Variants in PGM2L1 observed in about 807,000 individuals in gnomAD.
PGM2L1 encodes glucose 1,6-bisphosphate synthase.
In PGM2L1, 35 loss-of-function variants were observed where a neutral mutation model predicts 73.4. The observed-to-expected ratio is 0.48, with a 90% CI of 0.36 to 0.63. The LOEUF is 0.63. Among genes scored for constraint, PGM2L1 ranks in the 30% least tolerant of loss-of-function variants. The pLI is 0.00. For missense variants in PGM2L1, 570 were observed against 742.0 expected (o/e 0.77, Z 2.69); for synonymous variants, 225 against 253.8 (o/e 0.89, Z 1.08).
At chr11:74,394,655 T>A (rs1863147311) in intron 1 of PGM2L1, among the ~76,000 whole-genome samples, 1 of 152,230 alleles carries the variant, frequency 6.6e-6, no homozygotes, top group Admixed American at 6.5e-5. Flanking sequence ...AAATAAAAGT[T>A]CTTAATACAC....
At chr11:74,358,282 C>T (rs969600388) in intron 5 of PGM2L1, among the ~76,000 whole-genome samples, 1 of 152,132 alleles carries the variant, frequency 6.6e-6, no homozygotes, top group Admixed American at 6.5e-5. Flanking sequence ...GAACCCTCCA[C>T]TGAATTTTGC....
chr11:74,373,224 T>G (rs1862801929), intron 2 of PGM2L1, among the ~76,000 whole-genome samples: 1 of 152,170 alleles, frequency 6.6e-6, no homozygotes, highest in Non-Finnish European at 1.5e-5. Flanking sequence ...AAATCTTTAC[T>G]TCGAATCAAA....
chr11:74,356,235 A>G (rs577873562), intron 5 of PGM2L1, among the ~76,000 whole-genome samples: 1 of 152,246 alleles, frequency 6.6e-6, no homozygotes, highest in African/African-American at 2.4e-5. Context: ...CTGAACTGAT[A>G]ATTACTATTG....
intron 1 of PGM2L1, among the ~76,000 whole-genome samples, chr11:74,379,776 T>A (rs1361535903): frequency 2.0e-5 from 3 of 151,880 alleles, no homozygotes; most frequent in Non-Finnish European, 2.9e-5. Context: ...ATACAAAAAA[T>A]TAGCCAGGTA....
intron 1 of PGM2L1, among the ~76,000 whole-genome samples, chr11:74,376,402 C>G (rs985312866): frequency 6.6e-6 from 1 of 151,720 alleles, no homozygotes; most frequent in Non-Finnish European, 1.5e-5. Flanking sequence ...AACAATTTAA[C>G]TCCAGTTACA....
rs752082444 is a variant in PGM2L1 at position 74,391,528 on chromosome 11, C to T, written c.111+6523G>A. Among the ~76,000 whole-genome samples the T allele has an allele frequency of 5.3e-5, 8 of 152,130 alleles. No homozygotes were observed. The South Asian group carries it at 6.2e-4, about 12-fold the overall frequency. Reference sequence around the variant, plus strand: ...TGCATTTGGCAGGGGTGGGGTGTAACGTTTTTTTCTTAATTTCCAAGAGCT... The same window carrying T: ...TGCATTTGGCAGGGGTGGGGTGTAATGTTTTTTTCTTAATTTCCAAGAGCT... On this transcript the variant is annotated intron_variant, in intron 1 of 13. Transcript: ENST00000298198.
chr11:74,359,445 AC>A (rs1862517867), intron 5 of PGM2L1, among the ~76,000 whole-genome samples: 1 of 152,096 alleles, frequency 6.6e-6, no homozygotes, highest in South Asian at 2.1e-4. Context: ...ACACACACAC[AC>A]ACATACATAT....
At chr11:74,395,549 C>CTTTTTTTTTTTTTTTTTTTTTTT (rs60883108) in intron 1 of PGM2L1, among the ~76,000 whole-genome samples, 2 of 64,918 alleles carry the variant, frequency 3.1e-5, no homozygotes, top group Non-Finnish European at 5.0e-5. Context: ...CCTCGCCTGG[C>CTTTTTTTTTTTTTTTTTTTTTTT]TTTTTTTTTT....
chr11:74,375,189 C>T (rs1052561428), intron 1 of PGM2L1, among the ~76,000 whole-genome samples: 3 of 152,138 alleles, frequency 2.0e-5, no homozygotes, highest in South Asian at 2.1e-4. Context: ...ACCATAAAAA[C>T]GTTTTATGTG....
chr11:74,379,985 T>C (rs538995214), intron 1 of PGM2L1, among the ~76,000 whole-genome samples: 4 of 152,290 alleles, frequency 2.6e-5, no homozygotes, highest in Non-Finnish European at 4.4e-5. Context: ...ATATACAAAA[T>C]TGACTCTTAA....
intron 12 of PGM2L1, among the ~76,000 whole-genome samples, chr11:74,340,058 A>G (rs1366571144): frequency 1.3e-5 from 2 of 152,202 alleles, no homozygotes; most frequent in African/African-American, 4.8e-5. Context: ...TGTCATTGCT[A>G]TATTCCTAGT....
chr11:74,350,942 A>C (rs1862342635), intron 6 of PGM2L1, among the ~76,000 whole-genome samples: 1 of 152,120 alleles, frequency 6.6e-6, no homozygotes, highest in Admixed American at 6.5e-5. Flanking sequence ...AGAGAGAAAG[A>C]AACTAACTCT....
chr11:74,373,864 C>A (rs1488754297), intron 2 of PGM2L1, among the ~76,000 whole-genome samples: 1 of 152,070 alleles, frequency 6.6e-6, no homozygotes, highest in Non-Finnish European at 1.5e-5. Flanking sequence ...TTGACAATGG[C>A]AACCAAAATA....
At chr11:74,352,798 G>A (rs1862378043) in intron 5 of PGM2L1, among the ~76,000 whole-genome samples, 1 of 152,202 alleles carries the variant, frequency 6.6e-6, no homozygotes, top group Admixed American at 6.5e-5. Flanking sequence ...TAATTAAAAA[G>A]CAGAATGATA....
chr11:74,390,469 T>C (rs892971798), intron 1 of PGM2L1, among the ~76,000 whole-genome samples: 2 of 152,240 alleles, frequency 1.3e-5, no homozygotes, highest in Non-Finnish European at 2.9e-5. Flanking sequence ...ACAGTTTGCT[T>C]ATTCATTCAC....
At chr11:74,375,840 T>C (rs1387797249) in intron 1 of PGM2L1, among the ~76,000 whole-genome samples, 1 of 152,092 alleles carries the variant, frequency 6.6e-6, no homozygotes, top group Admixed American at 6.5e-5. Flanking sequence ...ATAACCTACA[T>C]AAAAATATGA....
chr11:74,370,997 A>G lies in PGM2L1; in HGVS notation c.387-11T>C. 1 of 1,610,080 alleles carries G rather than the reference A, an allele frequency of 6.2e-7. No individual in the cohort carries two copies. The highest frequency in any genetic ancestry group is 8.5e-7 in the Non-Finnish European group (1 of 1,176,854). Reference sequence around the variant, plus strand: ...GTGAGTTTAGCAAGCCTAAAAAAAGAGAGATTTAACTTAGTCCTTTGCCTA... The same window carrying G: ...GTGAGTTTAGCAAGCCTAAAAAAAGGGAGATTTAACTTAGTCCTTTGCCTA... On this transcript the variant is annotated splice_polypyrimidine_tract_variant and intron_variant, in intron 3 of 13. Transcript: ENST00000298198.
At chr11:74,357,179 G>C (rs994474943) in intron 5 of PGM2L1, among the ~76,000 whole-genome samples, 2 of 151,986 alleles carry the variant, frequency 1.3e-5, no homozygotes, top group African/African-American at 4.8e-5. Context: ...ACCACCAAAG[G>C]CATGATCCAT....
chr11:74,379,025 A>G (rs1026194935), intron 1 of PGM2L1, among the ~76,000 whole-genome samples: 1 of 152,236 alleles, frequency 6.6e-6, no homozygotes, highest in South Asian at 2.1e-4. Flanking sequence ...CAAGTTTGCC[A>G]ATGAGAAGTG....
Sources: gnomAD v4.1 joint callset for allele counts (sites outside exome capture counted in the v4.1 genomes callset) on GRCh38, gnomAD v4.1.1 for gene constraint, MANE v1.5 for transcripts, NCBI Gene and HGNC (gene_info 2026-07-23, HGNC 2026-07-21) for gene names.